Variants in CPAMD8 observed in about 807,000 individuals in gnomAD.
CPAMD8 encodes the protein C3 and PZP-like alpha-2-macroglobulin domain-containing protein 8.
Under a neutral mutation model 224.7 loss-of-function variants are expected in CPAMD8, and 146 were observed. The observed-to-expected ratio is 0.65, with a 90% confidence interval of 0.57 to 0.75. CPAMD8 has a LOEUF of 0.75. CPAMD8 is among the 30% of genes least tolerant of loss of function. The pLI, the probability that CPAMD8 is intolerant of heterozygous loss-of-function variation, is 0.00. For synonymous variants in CPAMD8, 966 were observed against 1,044.6 expected, an observed-to-expected ratio of 0.92 and a Z score of 1.45; for missense variants, 2,301 against 2,537.5, an observed-to-expected ratio of 0.91 and a Z score of 2.00.
chr19:17,004,190 G>T, intron 8 of CPAMD8, 83 bp downstream of exon 8: 2 of 913,854 alleles, frequency 2.2e-6, no homozygotes, highest in Non-Finnish European at 3.5e-6. Flanking sequence ...ACAGGCGAGA[G>T]CCCTTGCACC....
chr19:16,943,011 C>CTTTTTTTTTTTTTT (rs770885168), intron 22 of CPAMD8, among the ~76,000 whole-genome samples: 1 of 79,436 alleles, frequency 1.3e-5, no homozygotes, highest in Non-Finnish European at 2.3e-5. Context: ...TTTCTTTTTT[C>CTTTTTTTTTTTTTT]TTTTTTTTTT....
Position 17,015,461 on chromosome 19 carries a change from C to G in CPAMD8, c.268-3704G>C, listed in dbSNP as rs140408341. Among the ~76,000 whole-genome samples the G allele has an allele frequency of 9.8e-3, 1,490 of 152,118 alleles. 24 individuals are homozygous for G. The highest frequency in any genetic ancestry group is 0.034 in the African/African-American group (1,398 of 41,502). ...TGGGTGAGGTCGGGGTGCACTAGGA[C>G]CCCCGCTCTCTGAAGCCACACGGGG... On this transcript the variant is annotated intron_variant, in intron 3 of 41. Transcript: ENST00000443236.
In CPAMD8 at chr19:16,970,980, G is replaced by A. The variant is rs74937996; in HGVS notation, c.2124C>T (p.Asp708=). The change falls in exon 18 of 42, where the codon GAC becomes GAT. Residue 708 remains aspartate (D), a synonymous_variant. Coordinates refer to ENST00000443236, the MANE Select transcript of CPAMD8 (RefSeq NM_015692.5). ...CAGCCTCATCGGTGTAGAGGCCACC[G>A]TCCTGCCGGTGGTTCAGGCTCACTC... The part of the protein sequence containing the change: ...TDRVSLNHRQ[D]GGLYTDEAVP... 0.014 allele frequency: 22,127 copies of A among 1,613,316 alleles called. 1,435 individuals carry two copies. In the East Asian group the frequency reaches 0.21, roughly 15 times the overall value.
In CPAMD8 at chr19:16,893,064, C is replaced by A; in HGVS notation, c.*44G>T. 1 of 901,164 alleles carries A rather than the reference C, an allele frequency of 1.1e-6. No homozygotes were observed. The highest frequency in any genetic ancestry group is 1.9e-6 in the Non-Finnish European group (1 of 531,144). The allele number at this position is 901,164 out of a possible 1,614,324, so 55.8% of individuals were successfully genotyped here. On this transcript the variant is annotated 3_prime_UTR_variant, in exon 42 of 42. Transcript: ENST00000443236. The stretch of plus-strand genomic sequence containing the variant: ...GCTGGGTGTGTGGGTATGAATGGTC[C>A]CCAGGACCAAACTGCGGTCCCACAA...
At chr19:16,906,633 G>A (rs954892964) in intron 30 of CPAMD8, among the ~76,000 whole-genome samples, 2 of 151,714 alleles carry the variant, frequency 1.3e-5, no homozygotes, top group Non-Finnish European at 2.9e-5. Flanking sequence ...CGAACTCCTG[G>A]CCTCAAGTGA....
intron 15 of CPAMD8, among the ~76,000 whole-genome samples, 170 bp downstream of exon 15, chr19:16,977,198 T>G (rs914006715): frequency 2.6e-5 from 4 of 152,150 alleles, no homozygotes; most frequent in African/African-American, 9.7e-5. Flanking sequence ...TCTCCTTTTG[T>G]GTGACTTTTG....
In CPAMD8 at chr19:16,896,246, C is replaced by T. The variant is rs778398112; in HGVS notation, c.5356G>A (p.Val1786Met). ...SVAPGPLQQD[V>M]KLNGAGLEVE... Reference sequence around the variant, plus strand: ...TCAAGGCCGGCTCCATTCAGCTTCACGTCCTGCTGTAAAGGCCCCGGGGCC... The same window carrying T: ...TCAAGGCCGGCTCCATTCAGCTTCATGTCCTGCTGTAAAGGCCCCGGGGCC... Residue 1786 changes from valine to methionine, a missense_variant, in exon 41 of 42, where the codon GTG (valine) becomes ATG (methionine). Transcript: ENST00000443236. 1.4e-5 allele frequency: 22 copies of T among 1,613,720 alleles called. No homozygotes were observed. Among genetic ancestry groups the T allele is most frequent in the South Asian group, 2.2e-5 (2 of 91,090 alleles).
chr19:16,937,561 C>T (rs1180539274), intron 23 of CPAMD8, among the ~76,000 whole-genome samples: 1 of 152,048 alleles, frequency 6.6e-6, no homozygotes, highest in Non-Finnish European at 1.5e-5. Context: ...CTGCAACCTC[C>T]ACCTCTTGGG....
At chr19:16,917,695 T>G (rs111353362) in intron 27 of CPAMD8, among the ~76,000 whole-genome samples, 294 of 152,318 alleles carry the variant, frequency 1.9e-3, no homozygotes, top group African/African-American at 6.3e-3. Context: ...GAGCCCTGAT[T>G]GTGCCACCGC....
chr19:17,003,089 G>A (rs1057324929), intron 8 of CPAMD8, among the ~76,000 whole-genome samples: 2 of 151,606 alleles, frequency 1.3e-5, no homozygotes, highest in South Asian at 2.1e-4. Flanking sequence ...TTTTAGTAGA[G>A]ATGGGGTTTC....
chr19:16,980,681 C>T lies in CPAMD8; in HGVS notation c.1401G>A (p.Gly467=). 1.3e-6 allele frequency: 2 copies of T among 1,539,780 alleles called. No homozygotes were observed. Among genetic ancestry groups the T allele is most frequent in the South Asian group, 2.5e-5 (2 of 79,328 alleles). The change falls in exon 14 of 42, where the codon GGG becomes GGA. Residue 467 remains glycine, a synonymous_variant. Coordinates refer to ENST00000443236, the MANE Select transcript of CPAMD8 (RefSeq NM_015692.5). ...ACTTCACAGAAAAATAGGCTTCTTC[C>T]CCAACCTATGGAAGACACGCAGCAT... ...LQPPSHPLQV[G]EEAYFSVKST...
chr19:17,000,393 G>T, intron 10 of CPAMD8, 21 bp downstream of exon 10: 1 of 965,078 alleles, frequency 1.0e-6, no homozygotes, highest in Non-Finnish European at 1.7e-6. Flanking sequence ...TCAGGGGGTA[G>T]AAGGGGTCCC....
intron 29 of CPAMD8, 105 bp from the exon 30 acceptor site, chr19:16,907,222 T>C: frequency 7.5e-7 from 1 of 1,326,850 alleles, no homozygotes; most frequent in Non-Finnish European, 9.6e-7. Context: ...GGGTGACTCC[T>C]AGCCCCTTGC....
At chr19:16,930,633 C>T (rs1458837009) in intron 23 of CPAMD8, among the ~76,000 whole-genome samples, 1 of 152,110 alleles carries the variant, frequency 6.6e-6, no homozygotes, top group Non-Finnish European at 1.5e-5. Context: ...GTCCCCATTC[C>T]CACCGTGGAC....
At chr19:16,927,911 C>T in intron 25 of CPAMD8, 98 bp downstream of exon 25, 2 of 883,976 alleles carry the variant, frequency 2.3e-6, no homozygotes, top group Non-Finnish European at 3.7e-6. Flanking sequence ...CCCCAAGACA[C>T]AGGTCCCCAG....
chr19:16,995,543 G>A (rs574193442), intron 11 of CPAMD8, among the ~76,000 whole-genome samples: 1 of 152,320 alleles, frequency 6.6e-6, no homozygotes, highest in East Asian at 1.9e-4. Context: ...TGGCATTACA[G>A]GTGTCCACCA....
At chr19:16,930,433 C>T (rs1000425802) in intron 23 of CPAMD8, among the ~76,000 whole-genome samples, 5 of 151,834 alleles carry the variant, frequency 3.3e-5, no homozygotes, top group South Asian at 4.1e-4. Context: ...GCCTCCTTGA[C>T]GAACAAAAAT....
rs201095334 is a variant in CPAMD8 at position 17,004,346 on chromosome 19, C to T, written c.600G>A (p.Val200=). 7 of 1,613,876 alleles carry T rather than the reference C, an allele frequency of 4.3e-6. No individual in the cohort carries two copies. The highest frequency in any genetic ancestry group is 1.3e-5 in the African/African-American group (1 of 75,050). The stretch of plus-strand genomic sequence containing the variant: ...CAACAAAAATGAACCATTCTCCCAA[C>T]ACAGGCTGGTCGGACAAGGGGAAGC... ...NMSFPLSDQP[V]LGEWFIFVEM... is the part of the protein sequence containing the mutation. Residue 200 remains valine (V), a synonymous_variant, in exon 8 of 42, where the codon GTG becomes GTA. Transcript: ENST00000443236.
intron 12 of CPAMD8, 61 bp downstream of exon 12, chr19:16,993,354 TG>T (rs1257954163): frequency 5.5e-6 from 8 of 1,461,036 alleles, no homozygotes; most frequent in Non-Finnish European, 7.5e-6. Context: ...GCACCCAGCC[TG>T]GGGGAGGCCC....
Sources: allele counts gnomAD v4.1 joint callset (sites outside exome capture counted in the v4.1 genomes callset), GRCh38; gene constraint gnomAD v4.1.1; transcripts MANE v1.5; gene names NCBI Gene and HGNC (gene_info 2026-07-23, HGNC 2026-07-21).